Variants in FCRL5 observed in about 807,000 individuals in gnomAD.
FCRL5 encodes the protein Fc receptor-like protein 5.
A neutral mutation model predicts 92.1 loss-of-function variants in FCRL5; 79 were observed. That is an observed-to-expected ratio of 0.86 (90% CI 0.72 to 1.03). The LOEUF (loss-of-function observed/expected upper bound fraction) is 1.03. Among genes scored for constraint, FCRL5 ranks in the 50% least tolerant of loss-of-function variants. FCRL5 has a pLI of 0.00. For missense variants in FCRL5, 1,160 were observed against 1,181.1 expected, an observed-to-expected ratio of 0.98 and a Z score of 0.26; for synonymous variants, 466 against 469.3, an observed-to-expected ratio of 0.99 and a Z score of 0.09.
intron 6 of FCRL5, among the ~76,000 whole-genome samples, chr1:157,540,522 G>GT (rs201357305): frequency 7.5e-5 from 11 of 146,238 alleles, no homozygotes; most frequent in African/African-American, 2.9e-4. Context: ...CCCTCTCCAT[G>GT]TTTAAAAAAA....
chr1:157,546,188 C>A, intron 3 of FCRL5: 1 of 428,376 alleles, frequency 2.3e-6, no homozygotes, highest in South Asian at 1.7e-5. Flanking sequence ...TGGCTCATAC[C>A]TGTAATCCCA....
intron 15 of FCRL5, 44 bp from the exon 16 acceptor site, chr1:157,515,917 G>A (rs149196138): frequency 1.2e-6 from 2 of 1,609,694 alleles, no homozygotes; most frequent in Non-Finnish European, 1.7e-6. Context: ...ACTGGCATGG[G>A]GCTCTTCCCT....
Position 157,513,916 on chromosome 1 carries a change from G to A in FCRL5, c.*1759C>T, listed in dbSNP as rs748468098. On this transcript the variant is annotated 3_prime_UTR_variant, in exon 17 of 17. Transcript: ENST00000361835. ...CAACTAGGCCTAAAAAAGCGGCCTC[G>A]GTGGGAATGCATTTCTCTTGCTCCA... 1.2e-4 allele frequency: 19 copies of A among 152,176 alleles called. No homozygotes were observed. Among genetic ancestry groups the A allele is most frequent in the South Asian group, 2.1e-4 (1 of 4,816 alleles). 9.4% of individuals were successfully genotyped at this position (152,176 alleles called of 1,614,324 possible).
intron 8 of FCRL5, chr1:157,532,549 A>T (rs761517546): frequency 6.6e-6 from 1 of 151,680 alleles, no homozygotes; most frequent in African/African-American, 2.4e-5. Context: ...TCTTTGTTAC[A>T]TTTTTTTTAC....
chr1:157,538,442 A>G (rs1651078000), intron 7 of FCRL5, among the ~76,000 whole-genome samples: 1 of 152,222 alleles, frequency 6.6e-6, no homozygotes, highest in Non-Finnish European at 1.5e-5. Flanking sequence ...CCAAAGCTCA[A>G]AGGAAACCTT....
rs774376191 is a variant in FCRL5, at chr1:157,518,503, A to G, written c.2744-6T>C. ...ATTTTCTCCTCTAGGATTTGCTTAG[A>G]AAAAAGTTGAAGTTTCAGAGGATGC... On this transcript the variant is annotated splice_region_variant and splice_polypyrimidine_tract_variant and intron_variant, in intron 14 of 16. Coordinates refer to ENST00000361835, the MANE Select transcript of FCRL5 (RefSeq NM_031281.3). 4.3e-6 allele frequency: 7 copies of G among 1,613,252 alleles called. No individual in the cohort carries two copies. In the East Asian group the frequency reaches 6.7e-5, roughly 15 times the overall value.
Position 157,521,102 on chromosome 1 carries a change from A to T in FCRL5, c.2430T>A (p.Thr810=). 2 of 1,614,192 alleles carry T rather than the reference A, an allele frequency of 1.2e-6. No individual in the cohort carries two copies. The highest frequency in any genetic ancestry group is 1.7e-6 in the Non-Finnish European group (2 of 1,180,034). Residue 810 remains threonine (T), a synonymous_variant, in exon 11 of 17, where the codon ACT becomes ACA. Transcript: ENST00000361835. ...AGGAGTAGTTTCCAGAGTGCTCTGCAGTCAGAGAGAGGTTTAAGGACGCTC... is the reference window on the plus strand; with the variant it reads ...AGGAGTAGTTTCCAGAGTGCTCTGCTGTCAGAGAGAGGTTTAAGGACGCTC... ...SGGASLNLSL[T]AEHSGNYSCE... is the part of the protein sequence containing the mutation.
In FCRL5 at chr1:157,520,453, G is replaced by T; in HGVS notation, c.2610C>A (p.Tyr870Ter). The T allele has an allele frequency of 6.4e-7, 1 of 1,573,862 alleles. No individual in the cohort carries two copies. Among genetic ancestry groups the T allele is most frequent in the Non-Finnish European group, 8.6e-7 (1 of 1,158,940 alleles). ...CACCTGCTTTTCTCGAGAGCCAGCA[G>T]TAGAGCAGCAGTGCCCCCGCAGCAA... is the stretch of plus-strand genomic sequence containing the variant. ...AGLAAGALLL[Y>*]CWLSRKAGRK... The change falls in exon 12 of 17, where the codon TAC (tyrosine) becomes TAA (stop). Residue 870 changes from tyrosine to a stop codon, truncating the protein, a stop_gained. Transcript: ENST00000361835. LOFTEE classifies it high-confidence loss of function.
In FCRL5 at chr1:157,544,662, C is replaced by A. The variant is rs1651443878; in HGVS notation, c.560-116G>T. On this transcript the variant is annotated intron_variant, in intron 4 of 16. Coordinates refer to ENST00000361835, the MANE Select transcript of FCRL5 (RefSeq NM_031281.3). ...AGGCAAAGAAAGGAATGCCATTGAT[C>A]CCTAGCTTCCTTCAGCCCAAAACAC... The A allele has an allele frequency of 3.5e-6, 5 of 1,424,814 alleles. No individual in the cohort carries two copies. In the Admixed American group the frequency reaches 9.7e-5, roughly 28 times the overall value. 88.3% of individuals were successfully genotyped at this position (1,424,814 alleles called of 1,614,324 possible).
At position 157,542,941 on chromosome 1, in the gene FCRL5, TG is replaced by T. The variant is rs755461631; in HGVS notation, c.1040del (p.Thr347LysfsTer23). 2 of 1,614,222 alleles carry T rather than the reference TG, an allele frequency of 1.2e-6. No homozygotes were observed. Among genetic ancestry groups the T allele is most frequent in the Non-Finnish European group, 1.7e-6 (2 of 1,180,032 alleles). ...TGCAGTAGTAGTTCCCTGAATTCTC[TG>T]TAGTCAGTGAGAAGCTGATGGATGC... ...RGASISFSLTTENSGNYYCTA... is the reference protein window; with the variant it reads ...RGASISFSLTXENSGNYYCTA... On this transcript the variant is annotated frameshift_variant, in exon 6 of 17. Transcript: ENST00000361835. LOFTEE classifies it high-confidence loss of function.
intron 8 of FCRL5, 22 bp from the exon 9 acceptor site, chr1:157,527,917 G>A (rs2101611154): frequency 6.6e-7 from 1 of 1,524,140 alleles, no homozygotes; most frequent in Non-Finnish European, 8.8e-7. Context: ...AATGAGTTAG[G>A]GACACATGTA....
intron 9 of FCRL5, among the ~76,000 whole-genome samples, chr1:157,527,049 T>C (rs1381213124): frequency 1.3e-5 from 2 of 152,146 alleles, no homozygotes; most frequent in Non-Finnish European, 2.9e-5. Flanking sequence ...TGGGCATAAC[T>C]AGGAGTCTGC....
At chr1:157,518,345 G>C in intron 15 of FCRL5, 84 bp downstream of exon 15, 1 of 1,214,804 alleles carries the variant, frequency 8.2e-7, no homozygotes, top group Non-Finnish European at 1.2e-6. Context: ...TGCCTGTCTG[G>C]CTCAGATCTG....
At position 157,527,663 on chromosome 1, in the gene FCRL5, A is replaced by G; in HGVS notation, c.1914T>C (p.Asn638=). The change falls in exon 9 of 17, where the codon AAT becomes AAC. Residue 638 remains asparagine, a synonymous_variant. Coordinates refer to ENST00000361835, the MANE Select transcript of FCRL5 (RefSeq NM_031281.3). ...HSGNYSCEAN[N]GLVAQHSDTI... ...TGTCACTGTGCTGGGCCACTAGGCC[A>G]TTGTTGGCCTCACATGAGTAGTTTC... 1 of 1,614,026 alleles carries G rather than the reference A, an allele frequency of 6.2e-7. No homozygotes were observed. The highest frequency in any genetic ancestry group is 8.5e-7 in the Non-Finnish European group (1 of 1,179,902).
intron 1 of FCRL5, among the ~76,000 whole-genome samples, chr1:157,550,080 T>G (rs1651749636): frequency 6.6e-6 from 1 of 151,904 alleles, no homozygotes; most frequent in Non-Finnish European, 1.5e-5. Flanking sequence ...ATGTTAGCAT[T>G]TGTGTGTGGT....
intron 10 of FCRL5, chr1:157,522,161 A>T (rs1021160080): frequency 6.6e-6 from 1 of 152,236 alleles, no homozygotes; most frequent in African/African-American, 2.4e-5. Context: ...GAAACAATTA[A>T]CAGTGGTTAT....
rs537297066 is a variant in FCRL5 at position 157,547,326 on chromosome 1, A to G, written c.53-129T>C. ...AAGAGGTCCTCTGGGAGGGTCACTG[A>G]TAGCTCAAAGCTCCCTGTCAGCCAG... On this transcript the variant is annotated intron_variant, in intron 2 of 16. Transcript: ENST00000361835. 8.0e-6 allele frequency: 10 copies of G among 1,255,808 alleles called. 1 individual carries two copies. Among genetic ancestry groups the G allele is most frequent in the African/African-American group, 1.5e-5 (1 of 68,080 alleles). 77.8% of individuals were successfully genotyped at this position (1,255,808 alleles called of 1,614,324 possible).
rs1304735794 is a variant in FCRL5, at chr1:157,547,088, T to A, written c.162A>T (p.Lys54Asn). ...CKGFRFYSPQKTKWYHRYLGK... is the reference protein window; with the variant it reads ...CKGFRFYSPQNTKWYHRYLGK... ...CAAGGTACCGATGGTACCATTTTGTTTTCTGTGGTGAGTAGAAGCGAAATC... is the reference window on the plus strand; with the variant it reads ...CAAGGTACCGATGGTACCATTTTGTATTCTGTGGTGAGTAGAAGCGAAATC... The change falls in exon 3 of 17, where the codon AAA (lysine) becomes AAT (asparagine). Residue 54 changes from lysine (K) to asparagine (N), a missense_variant. Lys to Asn is a moderately conservative substitution (Grantham distance 94). Coordinates refer to ENST00000361835, the MANE Select transcript of FCRL5 (RefSeq NM_031281.3). 1 of 1,614,198 alleles carries A rather than the reference T, an allele frequency of 6.2e-7. No individual in the cohort carries two copies. The highest frequency in any genetic ancestry group is 2.2e-5 in the East Asian group (1 of 44,888).
chr1:157,523,908 G>A (rs1231393896), intron 10 of FCRL5: 1 of 319,848 alleles, frequency 3.1e-6, no homozygotes, highest in East Asian at 5.1e-5. Context: ...AGAAGTCAAT[G>A]AGAGAAGAAT....
Sources: gnomAD v4.1 joint callset for allele counts (sites outside exome capture counted in the v4.1 genomes callset) on GRCh38, gnomAD v4.1.1 for gene constraint, MANE v1.5 for transcripts, NCBI Gene and HGNC (gene_info 2026-07-23, HGNC 2026-07-21) for gene names.